The following RIT2 variants were observed in gnomAD, a reference collection of about 807,000 sequenced individuals.
RIT2 encodes Ras like without CAAX 2, also known as GTP-binding protein Rit2.
Under a neutral mutation model 23.7 loss-of-function variants are expected in RIT2, and 24 were observed. The observed-to-expected ratio is 1.01, with a 90% CI of 0.73 to 1.43. The LOEUF (loss-of-function observed/expected upper bound fraction) is 1.43. Among genes scored for constraint, RIT2 ranks in the 40% most tolerant of loss-of-function variants. RIT2 has a pLI of 0.00. For missense variants in RIT2, 236 were observed against 266.9 expected (o/e 0.88, Z 0.81); for synonymous variants, 107 against 91.1 (o/e 1.17, Z -0.99).
intron 4 of RIT2, among the ~76,000 whole-genome samples, chr18:42,873,091 G>A (rs902116694): frequency 6.6e-6 from 1 of 152,148 alleles, no homozygotes; most frequent in African/African-American, 2.4e-5. Context: ...TCCTTGACCT[G>A]AGGGTGAGGC....
chr18:42,998,754 T>C (rs1911041424), intron 2 of RIT2, among the ~76,000 whole-genome samples: 1 of 152,098 alleles, frequency 6.6e-6, no homozygotes, highest in South Asian at 2.1e-4. Flanking sequence ...CAAGTGGGTG[T>C]GCTAAAGCTT....
intron 4 of RIT2, among the ~76,000 whole-genome samples, chr18:42,785,993 A>G (rs1454800039): frequency 1.3e-5 from 2 of 152,330 alleles, no homozygotes; most frequent in African/African-American, 2.4e-5. Flanking sequence ...CTTAAATTGA[A>G]TGTACTATAG....
intron 4 of RIT2, among the ~76,000 whole-genome samples, chr18:42,790,167 C>T (rs909500456): frequency 2.0e-5 from 3 of 152,182 alleles, no homozygotes; most frequent in African/African-American, 2.4e-5. Flanking sequence ...AACTAATTTA[C>T]AAATCCGAAA....
chr18:42,937,093 A>G (rs567323540), intron 3 of RIT2, among the ~76,000 whole-genome samples: 1 of 151,912 alleles, frequency 6.6e-6, no homozygotes, highest in East Asian at 1.9e-4. Flanking sequence ...AAATATCTTG[A>G]TTTCTCTGAC....
At chr18:42,809,531 T>C (rs1438414273) in intron 4 of RIT2, among the ~76,000 whole-genome samples, 4 of 152,040 alleles carry the variant, frequency 2.6e-5, no homozygotes. Context: ...TGTTCAACCT[T>C]TCCCATCTCA....
At chr18:43,111,584 A>G (rs1031318841) in intron 1 of RIT2, among the ~76,000 whole-genome samples, 2 of 152,198 alleles carry the variant, frequency 1.3e-5, no homozygotes, top group African/African-American at 4.8e-5. Context: ...TATAAAATAT[A>G]TACACCTACT....
chr18:43,085,700 T>TAGGGTTAGCATACCTTATCC lies in RIT2; in HGVS notation c.103+29697_103+29716dup, dbSNP rs550764974. Among the ~76,000 whole-genome samples the TAGGGTTAGCATACCTTATCC allele has an allele frequency of 4.5e-3, 679 of 152,250 alleles. 9 individuals are homozygous for TAGGGTTAGCATACCTTATCC. The highest frequency in any genetic ancestry group is 0.015 in the African/African-American group (638 of 41,546). ...CTTATTTTCTTAAGGTTGTAGAGTATAGGGTTAGCATACCTTATCCAGTGA... is the reference window on the plus strand; with the variant it reads ...CTTATTTTCTTAAGGTTGTAGAGTATAGGGTTAGCATACCTTATCCAGGGTTAGCATACCTTATCCAGTGA... On this transcript the variant is annotated intron_variant, in intron 1 of 4. Coordinates refer to ENST00000326695, the MANE Select transcript of RIT2 (RefSeq NM_002930.4).
intron 4 of RIT2, among the ~76,000 whole-genome samples, chr18:42,862,309 C>G (rs1907350785): frequency 6.6e-6 from 1 of 152,124 alleles, no homozygotes; most frequent in African/African-American, 2.4e-5. Flanking sequence ...ATTGCCTCCC[C>G]CTTGCCTTCC....
At chr18:43,016,123 G>A (rs1249739978) in intron 2 of RIT2, among the ~76,000 whole-genome samples, 1 of 151,818 alleles carries the variant, frequency 6.6e-6, no homozygotes, top group African/African-American at 2.4e-5. Context: ...TTTGTTTAAT[G>A]TACAAAAGCA....
intron 4 of RIT2, among the ~76,000 whole-genome samples, chr18:42,885,133 G>A (rs1476193917): frequency 1.3e-5 from 2 of 152,154 alleles, no homozygotes; most frequent in Admixed American, 1.3e-4. Flanking sequence ...ATTGCTGGCA[G>A]CAAAATAAAA....
intron 3 of RIT2, among the ~76,000 whole-genome samples, chr18:42,973,865 A>T (rs1013761436): frequency 7.3e-5 from 11 of 150,406 alleles, no homozygotes; most frequent in Non-Finnish European, 1.3e-4. Flanking sequence ...TAACACCTAT[A>T]TGGACTCTTT....
chr18:42,833,440 T>C (rs1164593867), intron 4 of RIT2, among the ~76,000 whole-genome samples: 29 of 152,226 alleles, frequency 1.9e-4, no homozygotes, highest in Admixed American at 1.9e-3. Flanking sequence ...AGTCTTCCAA[T>C]AAACATGGGA....
At chr18:42,803,628 T>C (rs1333848151) in intron 4 of RIT2, among the ~76,000 whole-genome samples, 4 of 152,174 alleles carry the variant, frequency 2.6e-5, no homozygotes, top group East Asian at 1.9e-4. Context: ...GGGGTTTCCT[T>C]GGCAACTCCA....
At chr18:42,965,771 C>A (rs9304289) in intron 3 of RIT2, among the ~76,000 whole-genome samples, 3 of 111,954 alleles carry the variant, frequency 2.7e-5, no homozygotes, top group African/African-American at 1.0e-4. Context: ...ATTTTACCAA[C>A]CTGAGTATTT....
chr18:42,869,091 T>C (rs1907548649), intron 4 of RIT2, among the ~76,000 whole-genome samples: 1 of 152,244 alleles, frequency 6.6e-6, no homozygotes, highest in Non-Finnish European at 1.5e-5. Flanking sequence ...GGAACAAATT[T>C]TATTATTTCC....
intron 2 of RIT2, among the ~76,000 whole-genome samples, chr18:43,023,078 T>C (rs1273348608): frequency 1.3e-5 from 2 of 152,054 alleles, no homozygotes; most frequent in Non-Finnish European, 2.9e-5. Flanking sequence ...AAACTTTCAG[T>C]TCTCTTAACT....
At chr18:42,885,479 G>T (rs1216122698) in intron 4 of RIT2, among the ~76,000 whole-genome samples, 2 of 152,120 alleles carry the variant, frequency 1.3e-5, no homozygotes, top group Non-Finnish European at 2.9e-5. Context: ...CCAGCTACTT[G>T]GGAGGCTGAG....
At chr18:42,751,363 T>C (rs186708852) in intron 4 of RIT2, among the ~76,000 whole-genome samples, 93 of 152,024 alleles carry the variant, frequency 6.1e-4, no homozygotes, top group Non-Finnish European at 1.8e-4. Context: ...TATAGATATA[T>C]ATATGCATAT....
chr18:42,892,921 C>T (rs1908219748), intron 4 of RIT2, among the ~76,000 whole-genome samples: 1 of 152,140 alleles, frequency 6.6e-6, no homozygotes, highest in African/African-American at 2.4e-5. Flanking sequence ...CTAATTGTCT[C>T]TGTTATTACC....
Sources: gnomAD v4.1 joint callset for allele counts (sites outside exome capture counted in the v4.1 genomes callset) on GRCh38, gnomAD v4.1.1 for gene constraint, MANE v1.5 for transcripts, NCBI Gene and HGNC (gene_info 2026-07-23, HGNC 2026-07-21) for gene names.